The following MUC5B variants were observed in gnomAD, a reference collection of about 807,000 sequenced individuals.
MUC5B encodes the protein mucin-5B.
In MUC5B, 116 loss-of-function variants were observed where a neutral mutation model predicts 376.9. The ratio of observed to expected loss-of-function variants is 0.31; its 90% confidence interval spans 0.26 to 0.36. The LOEUF (loss-of-function observed/expected upper bound fraction) is 0.36, where lower values mean the gene tolerates loss of function less well. Among genes scored for constraint, MUC5B ranks in the 10% least tolerant of loss-of-function variants. The pLI, the probability that MUC5B is intolerant of heterozygous loss-of-function variation, is 1.00. For missense variants in MUC5B, 7,165 were observed against 7,769.9 expected (o/e 0.92, Z 2.93); for synonymous variants, 3,517 against 3,390.9 (o/e 1.04, Z -1.29).
intron 39 of MUC5B, 28 bp downstream of exon 39, chr11:1,256,799 C>T (rs777814555): frequency 3.1e-5 from 47 of 1,497,942 alleles, no homozygotes; most frequent in Non-Finnish European, 3.9e-5. Context: ...TGGCGGGATA[C>T]GACCCTGGGC....
chr11:1,242,350 G>A lies in MUC5B; in HGVS notation c.5470G>A (p.Ala1824Thr), dbSNP rs1374495718. ...GGCTGCTGGGGGCAAGATGTGCTGG[G>A]CACCAAAGAGCATAGAGTGCCGGGC... Reference protein sequence around the residue: ...IRAAGGKMCWAPKSIECRAEN... With the variant: ...IRAAGGKMCWTPKSIECRAEN... Residue 1824 changes from alanine to threonine, a missense_variant, in exon 31 of 49, where the codon GCA becomes ACA. By Grantham distance (58) the Ala-to-Thr change is moderately conservative. Around this residue, in one of 31 missense-constraint regions of MUC5B, gnomAD observed 897 missense variants for 779.6 expected, o/e 1.15. Coordinates refer to ENST00000529681, the MANE Select transcript of MUC5B (RefSeq NM_002458.3). 2 of 1,613,788 alleles carry A rather than the reference G, an allele frequency of 1.2e-6. No homozygotes were observed. Among genetic ancestry groups the A allele is most frequent in the African/African-American group, 2.7e-5 (2 of 74,902 alleles).
In MUC5B at chr11:1,239,889, G is replaced by A. The variant is rs751102337; in HGVS notation, c.3674G>A (p.Gly1225Glu). ...VAQCGCYDKD[G>E]NYYDVGARVP... ...CAGTGTGGCTGCTACGACAAGGACGGAAACTACTATGACGTCGGTGCAAGG... is the reference window on the plus strand; with the variant it reads ...CAGTGTGGCTGCTACGACAAGGACGAAAACTACTATGACGTCGGTGCAAGG... Residue 1225 changes from glycine (G) to glutamate (E), a missense_variant, in exon 28 of 49, where the codon GGA becomes GAA. Physicochemically the swap from Gly to Glu is moderately conservative, Grantham distance 98. Around this residue, in one of 31 missense-constraint regions of MUC5B, gnomAD observed 517 missense variants for 545.3 expected, o/e 0.95. Transcript: ENST00000529681. 1.7e-5 allele frequency: 27 copies of A among 1,613,232 alleles called. No individual in the cohort carries two copies. The highest frequency in any genetic ancestry group is 1.2e-5 in the Non-Finnish European group (14 of 1,179,728).
intron 14 of MUC5B, 149 bp downstream of exon 14, chr11:1,231,709 AG>A (rs2133811672): frequency 8.9e-7 from 1 of 1,117,786 alleles, no homozygotes; most frequent in Non-Finnish European, 1.2e-6. Context: ...GTGCCAGCGC[AG>A]GACACCAGCA....
chr11:1,244,687 G>T lies in MUC5B; in HGVS notation c.7807G>T (p.Ala2603Ser). The T allele has an allele frequency of 1.9e-6, 3 of 1,612,074 alleles. No homozygotes were observed. Among genetic ancestry groups the T allele is most frequent in the Non-Finnish European group, 2.5e-6 (3 of 1,178,998 alleles). ...CACCCCCTCCTCCACCCCAGGAACAGCTCACACTACCAAAGTGCTGACTAC... is the reference window on the plus strand; with the variant it reads ...CACCCCCTCCTCCACCCCAGGAACATCTCACACTACCAAAGTGCTGACTAC... ...VATPSSTPGTAHTTKVLTTTT... is the reference protein window; with the variant it reads ...VATPSSTPGTSHTTKVLTTTT... Residue 2603 changes from alanine to serine, a missense_variant, in exon 31 of 49, where the codon GCT (alanine) becomes TCT (serine). Transcript: ENST00000529681.
intron 1 of MUC5B, among the ~76,000 whole-genome samples, chr11:1,223,786 G>A (rs911696572): frequency 6.6e-6 from 1 of 152,236 alleles, no homozygotes; most frequent in Non-Finnish European, 1.5e-5. Flanking sequence ...GTTTTCCCTC[G>A]TCTGCTGTCT....
At chr11:1,229,537 G>T (rs1590169127) in intron 9 of MUC5B, among the ~76,000 whole-genome samples, 153 bp from the exon 10 acceptor site, 1 of 152,150 alleles carries the variant, frequency 6.6e-6, no homozygotes, top group East Asian at 1.9e-4. Flanking sequence ...GAGGTGCTTG[G>T]TGTTCATCCA....
In MUC5B at chr11:1,241,383, C is replaced by G. The variant is rs773838518; in HGVS notation, c.4503C>G (p.Thr1501=). 1.4e-5 allele frequency: 22 copies of G among 1,613,590 alleles called. No homozygotes were observed. Among genetic ancestry groups the G allele is most frequent in the Middle Eastern group, 1.6e-4 (1 of 6,062 alleles). Residue 1501 remains threonine, a synonymous_variant, in exon 31 of 49, where the codon ACC becomes ACG. Coordinates refer to ENST00000529681, the MANE Select transcript of MUC5B (RefSeq NM_002458.3). The stretch of plus-strand genomic sequence containing the variant: ...TCACCCCCTCGGCCCCAGGTACCAC[C>G]ACCTGCCAGCCCCGGTGTCAGTGGA... ...VTVTPSAPGT[T]TCQPRCQWTE...
Position 1,235,605 on chromosome 11 carries a change from CAG to C in MUC5B, c.2880+196_2880+197del, listed in dbSNP as rs1301203656. On this transcript the variant is annotated intron_variant, in intron 23 of 48. Coordinates refer to ENST00000529681, the MANE Select transcript of MUC5B (RefSeq NM_002458.3). ...CATTCTCAGTCCTGGAGCCGGAAGTCAGAGATCCAGGCGGGCAGGGCCACACT... is the reference window on the plus strand; with the variant it reads ...CATTCTCAGTCCTGGAGCCGGAAGTCAGATCCAGGCGGGCAGGGCCACACT... 24 of 605,970 alleles carry C rather than the reference CAG, an allele frequency of 4.0e-5. No homozygotes were observed. In the Admixed American group the frequency reaches 6.4e-4, roughly 16 times the overall value. The allele number at this position is 605,970 out of a possible 1,614,324, so 37.5% of individuals were successfully genotyped here.
At chr11:1,260,184 CT>C in intron 46 of MUC5B, 99 bp downstream of exon 46, 1 of 1,408,286 alleles carries the variant, frequency 7.1e-7, no homozygotes, top group Non-Finnish European at 9.6e-7. Flanking sequence ...GGCCCCACCC[CT>C]GCTGGGGAGG....
chr11:1,241,512 T>A lies in MUC5B; in HGVS notation c.4632T>A (p.Pro1544=), dbSNP rs757243592. 8 of 1,613,408 alleles carry A rather than the reference T, an allele frequency of 5.0e-6. No individual in the cohort carries two copies. Among genetic ancestry groups the A allele is most frequent in the Non-Finnish European group, 6.8e-6 (8 of 1,179,750 alleles). Residue 1544 remains proline, a synonymous_variant, in exon 31 of 49, where the codon CCT becomes CCA. Transcript: ENST00000529681. ...CTGGAGGGCACTTATGCCAGCAGCC[T>A]AAGGACATAGAGTGCCAGGCCGAGA... The part of the protein sequence containing the change: ...RAAGGHLCQQ[P]KDIECQAESF...
rs368824576 is a variant in MUC5B, at chr11:1,242,530, C to T, written c.5650C>T (p.His1884Tyr). 15 of 1,613,834 alleles carry T rather than the reference C, an allele frequency of 9.3e-6. No individual in the cohort carries two copies. In the Middle Eastern group the frequency reaches 6.6e-4, roughly 71 times the overall value. ...TGTGCTTTGCTGTGACGACTACAGCCACTGCCCCAGTACCCCAGCCACCAG... is the reference window on the plus strand; with the variant it reads ...TGTGCTTTGCTGTGACGACTACAGCTACTGCCCCAGTACCCCAGCCACCAG... ...VRVLCCDDYS[H>Y]CPSTPATSST... The change falls in exon 31 of 49, where the codon CAC becomes TAC. Residue 1884 changes from histidine (H) to tyrosine (Y), a missense_variant. Physicochemically the swap from His to Tyr is moderately conservative, Grantham distance 83. Transcript: ENST00000529681.
Position 1,235,343 on chromosome 11 carries a change from T to C in MUC5B, c.2810T>C (p.Ile937Thr). 1 of 1,612,618 alleles carries C rather than the reference T, an allele frequency of 6.2e-7. No homozygotes were observed. The highest frequency in any genetic ancestry group is 8.5e-7 in the Non-Finnish European group (1 of 1,179,718). Residue 937 changes from isoleucine (I) to threonine (T), a missense_variant, in exon 23 of 49, where the codon ATC becomes ACC. Ile to Thr is a moderately conservative substitution (Grantham distance 89). Transcript: ENST00000529681. ...AACACCACCCACGGGACCTTCCGCATCGTCACCGAGAACATCCCCTGTGGG... is the reference window on the plus strand; with the variant it reads ...AACACCACCCACGGGACCTTCCGCACCGTCACCGAGAACATCCCCTGTGGG... ...GDNTTHGTFR[I>T]VTENIPCGTT...
chr11:1,244,638 A>T lies in MUC5B; in HGVS notation c.7758A>T (p.Thr2586=), dbSNP rs1862398149. The T allele has an allele frequency of 6.2e-7, 1 of 1,610,576 alleles. No homozygotes were observed. Among genetic ancestry groups the T allele is most frequent in the East Asian group, 2.2e-5 (1 of 44,530 alleles). Reference sequence around the variant, plus strand: ...CAGTGCTTACCACCACGGCCACCACAACCGGGGCCACCGGCTCTGTGGCCA... The same window carrying T: ...CAGTGCTTACCACCACGGCCACCACTACCGGGGCCACCGGCTCTGTGGCCA... ...TSTVLTTTAT[T]TGATGSVATP... The change falls in exon 31 of 49, where the codon ACA becomes ACT. Residue 2586 remains threonine (T), a synonymous_variant. Coordinates refer to ENST00000529681, the MANE Select transcript of MUC5B (RefSeq NM_002458.3).
At chr11:1,227,811 G>A in intron 7 of MUC5B, 30 bp downstream of exon 7, 1 of 692,188 alleles carries the variant, frequency 1.4e-6, no homozygotes, top group South Asian at 1.5e-5. Context: ...CAGCTCCTGG[G>A]CAGGGACGGC....
In MUC5B at chr11:1,259,497, G is replaced by A. The variant is rs920866653; in HGVS notation, c.16714-259G>A. On this transcript the variant is annotated intron_variant, in intron 44 of 48. Transcript: ENST00000529681. ...GGATAACTGAGGGGGTCTGGGGGTG[G>A]GACAGGACCTGCAGGCTGCTGGGGA... 6 of 573,124 alleles carry A rather than the reference G, an allele frequency of 1.0e-5. No homozygotes were observed. The African/African-American group carries it at 1.1e-4, about 11-fold the overall frequency. 35.5% of individuals were successfully genotyped at this position (573,124 alleles called of 1,614,324 possible).
chr11:1,231,924 G>T, intron 14 of MUC5B, 72 bp from the exon 15 acceptor site: 1 of 1,593,696 alleles, frequency 6.3e-7, no homozygotes, highest in East Asian at 2.2e-5. Flanking sequence ...GTGGTGCCTG[G>T]AGGGATGGCA....
chr11:1,256,771 C>T lies in MUC5B; in HGVS notation c.16237C>T (p.Pro5413Ser), dbSNP rs1862848299. 4 of 1,528,024 alleles carry T rather than the reference C, an allele frequency of 2.6e-6. No homozygotes were observed. The highest frequency in any genetic ancestry group is 1.2e-5 in the South Asian group (1 of 80,644). 94.7% of individuals were successfully genotyped at this position (1,528,024 alleles called of 1,614,324 possible). A position where few individuals can be genotyped will look rare whatever the true frequency, so the allele number is the denominator to read the frequency against. Reference protein sequence around the residue: ...AHMGICVQACPCVGPDGFPKF... With the variant: ...AHMGICVQACSCVGPDGFPKF... ...CATGGGCATCTGCGTGCAGGCCTGC[C>T]GTAAGCTCCGCCACCTGTGGCGGGA... is the stretch of plus-strand genomic sequence containing the variant. Residue 5413 changes from proline to serine, a missense_variant and splice_region_variant, in exon 39 of 49, where the codon CCC (proline) becomes TCC (serine). By Grantham distance (74) the Pro-to-Ser change is moderately conservative (BLOSUM62 -1). This residue lies in a region of MUC5B where 842 missense variants were observed against 1,016.9 expected (regional missense o/e 0.83). Transcript: ENST00000529681.
rs752605788 is a variant in MUC5B, at chr11:1,246,810, T to G, written c.9930T>G (p.Thr3310=). 6 of 1,603,094 alleles carry G rather than the reference T, an allele frequency of 3.7e-6. No individual in the cohort carries two copies. In the South Asian group the frequency reaches 5.5e-5, roughly 15 times the overall value. Reference sequence around the variant, plus strand: ...CAGCTCACACTACCAAAGTGCCGACTACCACAACCACGGGCTTCACAGCCA... The same window carrying G: ...CAGCTCACACTACCAAAGTGCCGACGACCACAACCACGGGCTTCACAGCCA... ...PGTAHTTKVP[T]TTTTGFTATP... Residue 3310 remains threonine (T), a synonymous_variant, in exon 31 of 49, where the codon ACT becomes ACG. Coordinates refer to ENST00000529681, the MANE Select transcript of MUC5B (RefSeq NM_002458.3).
rs532958707 is a variant in MUC5B, at chr11:1,227,655, C to G, written c.668-20C>G. The G allele has an allele frequency of 1.4e-6, 1 of 717,232 alleles. No homozygotes were observed. The highest frequency in any genetic ancestry group is 1.7e-5 in the African/African-American group (1 of 57,382). 44.4% of individuals were successfully genotyped at this position (717,232 alleles called of 1,614,324 possible). On this transcript the variant is annotated intron_variant, in intron 6 of 48. Transcript: ENST00000529681. ...CAGGAGCCCCTCAGAGCCACCACAC[C>G]CCTGCTTTCTTCCCGGCAGACGCCA...
Sources: gnomAD v4.1 joint callset for allele counts (sites outside exome capture counted in the v4.1 genomes callset) on GRCh38, gnomAD v4.1.1 for gene constraint, gnomAD v4.1.1 regional missense constraint, MANE v1.5 for transcripts, NCBI Gene and HGNC (gene_info 2026-07-23, HGNC 2026-07-21) for gene names.